The following GANC variants were observed in gnomAD, a reference collection of about 807,000 sequenced individuals.
GANC encodes glucosidase alpha, neutral C, also known as neutral alpha-glucosidase C.
Under a neutral mutation model 124.2 loss-of-function variants are expected in GANC, and 117 were observed. That is an observed-to-expected ratio of 0.94 (90% CI 0.81 to 1.10). The LOEUF is 1.10. Ranked by LOEUF, GANC falls within the 50% of genes least tolerant of loss-of-function variation. The pLI is 0.00. For missense variants in GANC, 1,140 were observed against 1,095.0 expected (o/e 1.04, Z -0.58); for synonymous variants, 377 against 376.8 (o/e 1.00, Z -0.01).
At chr15:42,280,780 C>T (rs1001083118) in intron 3 of GANC, 1 of 605,568 alleles carries the variant, frequency 1.7e-6, no homozygotes, top group Non-Finnish European at 2.9e-6. Context: ...CCCGGAATAT[C>T]AGTGGTGAGC....
chr15:42,294,578 A>T (rs2051873536), intron 5 of GANC, among the ~76,000 whole-genome samples: 1 of 150,194 alleles, frequency 6.7e-6, no homozygotes, highest in East Asian at 1.9e-4. Flanking sequence ...CTGTCTCAAA[A>T]AAAAAAAAAA....
chr15:42,352,460 G>A lies in GANC; in HGVS notation c.*321G>A. 2 of 1,059,076 alleles carry A rather than the reference G, an allele frequency of 1.9e-6. No individual in the cohort carries two copies. Among genetic ancestry groups the A allele is most frequent in the South Asian group, 3.2e-5 (1 of 31,398 alleles). 65.6% of individuals were successfully genotyped at this position (1,059,076 alleles called of 1,614,324 possible). A position where few individuals can be genotyped will look rare whatever the true frequency, so the allele number is the denominator to read the frequency against. On this transcript the variant is annotated 3_prime_UTR_variant, in exon 24 of 24. Transcript: ENST00000318010. Reference sequence around the variant, plus strand: ...GGGCTGCGTGGGTCTGTTTTAACGTGGGCCAAGCCTACCTGGGCAGCCCAT... The same window carrying A: ...GGGCTGCGTGGGTCTGTTTTAACGTAGGCCAAGCCTACCTGGGCAGCCCAT...
intron 3 of GANC, among the ~76,000 whole-genome samples, chr15:42,282,568 T>C (rs983203358): frequency 3.3e-5 from 5 of 152,282 alleles, no homozygotes; most frequent in Admixed American, 1.3e-4. Context: ...ATCAGGCAGA[T>C]TCTGACAAAT....
At chr15:42,324,809 G>A (rs966239597) in intron 11 of GANC, among the ~76,000 whole-genome samples, 54 of 152,112 alleles carry the variant, frequency 3.6e-4, no homozygotes, top group African/African-American at 1.3e-3. Context: ...GAGGGAATGA[G>A]AAATCATCAT....
At chr15:42,286,180 C>T (rs1006831774) in intron 3 of GANC, among the ~76,000 whole-genome samples, 18 of 152,104 alleles carry the variant, frequency 1.2e-4, no homozygotes, top group African/African-American at 4.1e-4. Context: ...CCTGAAGGCC[C>T]TGCTTAAATC....
At chr15:42,338,599 ATGTGGG>A in intron 16 of GANC, 109 bp downstream of exon 16, 2 of 783,706 alleles carry the variant, frequency 2.6e-6, no homozygotes, top group Admixed American at 4.5e-5. Flanking sequence ...GCAGACATAA[ATGTGGG>A]AAAGAAAAAA....
chr15:42,353,233 G>A lies in GANC; in HGVS notation c.*1094G>A. 1 of 985,874 alleles carries A rather than the reference G, an allele frequency of 1.0e-6. No homozygotes were observed. The highest frequency in any genetic ancestry group is 4.7e-5 in the South Asian group (1 of 21,280). The allele number at this position is 985,874 out of a possible 1,614,324, so 61.1% of individuals were successfully genotyped here. A position where few individuals can be genotyped will look rare whatever the true frequency, so the allele number is the denominator to read the frequency against. Reference sequence around the variant, plus strand: ...CTGTTTTAGCAGCCTCGACTCCTCAGCACTCCTCAGCACACACCTCTTCTT... The same window carrying A: ...CTGTTTTAGCAGCCTCGACTCCTCAACACTCCTCAGCACACACCTCTTCTT... On this transcript the variant is annotated 3_prime_UTR_variant, in exon 24 of 24. Coordinates refer to ENST00000318010, the MANE Select transcript of GANC (RefSeq NM_198141.3).
intron 20 of GANC, among the ~76,000 whole-genome samples, chr15:42,347,183 A>G (rs2052372942): frequency 6.6e-6 from 1 of 151,272 alleles, no homozygotes; most frequent in Non-Finnish European, 1.5e-5. Flanking sequence ...TGAAAAAAAA[A>G]AAAAAAAAGA....
chr15:42,318,291 A>G (rs1363322125), intron 10 of GANC, among the ~76,000 whole-genome samples: 1 of 152,126 alleles, frequency 6.6e-6, no homozygotes, highest in African/African-American at 2.4e-5. Context: ...GTAGTTTCCT[A>G]AGAACATTTG....
chr15:42,345,506 A>G (rs2052356674), intron 19 of GANC, among the ~76,000 whole-genome samples: 1 of 152,206 alleles, frequency 6.6e-6, no homozygotes. Context: ...CACATGGTAG[A>G]TTGTTCAGTC....
intron 6 of GANC, among the ~76,000 whole-genome samples, chr15:42,303,670 G>GAA (rs150074091): frequency 0.19 from 23,840 of 128,322 alleles, 3,078 homozygotes; most frequent in African/African-American, 0.33. Context: ...TATTTACCAA[G>GAA]AAAAAAAAAA....
chr15:42,303,249 C>T (rs1162605835), intron 6 of GANC, among the ~76,000 whole-genome samples: 1 of 152,118 alleles, frequency 6.6e-6, no homozygotes, highest in Non-Finnish European at 1.5e-5. Flanking sequence ...CATATCCAGC[C>T]AAACTAAGCT....
intron 19 of GANC, among the ~76,000 whole-genome samples, chr15:42,343,768 G>T (rs2052344395): frequency 6.6e-6 from 1 of 152,154 alleles, no homozygotes; most frequent in African/African-American, 2.4e-5. Flanking sequence ...AGAGCCATGG[G>T]TAATAAGAGC....
intron 21 of GANC, among the ~76,000 whole-genome samples, chr15:42,348,465 A>T (rs1595787149): frequency 6.6e-6 from 1 of 152,174 alleles, no homozygotes; most frequent in East Asian, 1.9e-4. Context: ...CTTCAACTTG[A>T]CGTTGATTAC....
At chr15:42,294,644 A>T (rs1330147660) in intron 5 of GANC, among the ~76,000 whole-genome samples, 4 of 150,516 alleles carry the variant, frequency 2.7e-5, no homozygotes, top group African/African-American at 4.9e-5. Context: ...ATTTATGTAT[A>T]CACATTTTAT....
chr15:42,285,634 A>G (rs2051779682), intron 3 of GANC, among the ~76,000 whole-genome samples: 1 of 152,086 alleles, frequency 6.6e-6, no homozygotes, highest in South Asian at 2.1e-4. Context: ...ATCTCTATTA[A>G]AAATACAAAA....
intron 1 of GANC, 56 bp from the exon 2 acceptor site, chr15:42,276,292 A>G: frequency 1.2e-6 from 1 of 825,812 alleles, no homozygotes; most frequent in Non-Finnish European, 2.1e-6. Context: ...AAGGTACAAA[A>G]GTTGGATTCA....
chr15:42,275,012 A>G (rs1470233494), intron 1 of GANC, among the ~76,000 whole-genome samples: 1 of 152,164 alleles, frequency 6.6e-6, no homozygotes, highest in East Asian at 1.9e-4. Flanking sequence ...ACCCCTTCCT[A>G]TATCATCCCA....
chr15:42,353,380 G>A lies in GANC; in HGVS notation c.*1241G>A, dbSNP rs1049531427. On this transcript the variant is annotated 3_prime_UTR_variant, in exon 24 of 24. Transcript: ENST00000318010. ...CCCAACTTAAATCCCACTTTCCCAT[G>A]AAGCCTAACTGCGTGAACACCCCTA... 1.0e-5 allele frequency: 10 copies of A among 984,956 alleles called. No individual in the cohort carries two copies. The African/African-American group carries it at 1.7e-4, about 17-fold the overall frequency. The allele number at this position is 984,956 out of a possible 1,614,324, so 61.0% of individuals were successfully genotyped here.
Sources: allele counts gnomAD v4.1 joint callset (sites outside exome capture counted in the v4.1 genomes callset), GRCh38; gene constraint gnomAD v4.1.1; transcripts MANE v1.5; gene names NCBI Gene and HGNC (gene_info 2026-07-23, HGNC 2026-07-21).